WNT7B: variants seen among roughly 807,000 people sequenced by gnomAD.
WNT7B encodes Wnt family member 7B, also known as protein Wnt-7b.
A neutral mutation model predicts 38.2 loss-of-function variants in WNT7B; 19 were observed. The ratio of observed to expected loss-of-function variants is 0.50; its 90% CI spans 0.35 to 0.73. WNT7B has a LOEUF of 0.73. Ranked by LOEUF, WNT7B falls within the 30% of genes least tolerant of loss-of-function variation. The probability of loss-of-function intolerance (pLI) is 0.01; values close to 1 mark genes in which losing one functional copy is unlikely to be tolerated. For missense variants in WNT7B, 423 were observed against 507.9 expected (o/e 0.83, Z 1.61); for synonymous variants, 243 against 209.3 (o/e 1.16, Z -1.39).
chr22:45,941,751 A>T (rs115189118), intron 2 of WNT7B, among the ~76,000 whole-genome samples: 2,405 of 152,030 alleles, frequency 0.016, 63 homozygotes, highest in African/African-American at 0.054. Flanking sequence ...CCCGGGGCCA[A>T]CTCCCCATGG....
intron 2 of WNT7B, among the ~76,000 whole-genome samples, chr22:45,934,303 G>C (rs1931457522): frequency 2.0e-5 from 3 of 152,182 alleles, no homozygotes; most frequent in Admixed American, 1.3e-4. Context: ...AGGAGGAGAG[G>C]GGGGATGTGG....
At chr22:45,958,761 A>G (rs1932129998) in intron 1 of WNT7B, among the ~76,000 whole-genome samples, 1 of 152,052 alleles carries the variant, frequency 6.6e-6, no homozygotes, top group African/African-American at 2.4e-5. Flanking sequence ...GACATACCCC[A>G]TTCCTGACCC....
chr22:45,949,480 C>T (rs767693378), intron 2 of WNT7B, among the ~76,000 whole-genome samples: 1 of 152,208 alleles, frequency 6.6e-6, no homozygotes, highest in African/African-American at 2.4e-5. Flanking sequence ...CCAACTACCC[C>T]CTGCAGTAAG....
chr22:45,958,425 C>T (rs959413480), intron 1 of WNT7B, among the ~76,000 whole-genome samples: 22 of 152,302 alleles, frequency 1.4e-4, no homozygotes, highest in Middle Eastern at 6.8e-3. Context: ...GAGTTTCTCC[C>T]GCTTCAAAGC....
In WNT7B at chr22:45,965,842, G is replaced by A. The variant is rs1932299752; in HGVS notation, c.71+10842C>T. Reference sequence around the variant, plus strand: ...GTCAACACACAGTTCTAAGCAACTGGAGGCATTGGTTTCTGCCTGGAGAGG... The same window carrying A: ...GTCAACACACAGTTCTAAGCAACTGAAGGCATTGGTTTCTGCCTGGAGAGG... On this transcript the variant is annotated intron_variant, in intron 1 of 3. Coordinates refer to ENST00000339464, the MANE Select transcript of WNT7B (RefSeq NM_058238.3). This position sits in a 1 kb window ranked among gnomAD's most constrained non-coding sequence, Gnocchi z 6.5. Among the ~76,000 whole-genome samples the A allele has an allele frequency of 6.6e-6, 1 of 152,212 alleles. No individual in the cohort carries two copies. Among genetic ancestry groups the A allele is most frequent in the African/African-American group, 2.4e-5 (1 of 41,446 alleles).
At chr22:45,929,016 A>C (rs933810976) in intron 3 of WNT7B, among the ~76,000 whole-genome samples, 1 of 152,032 alleles carries the variant, frequency 6.6e-6, no homozygotes, top group Non-Finnish European at 1.5e-5. Context: ...TCTGCTGCTC[A>C]CTCTGAGCCT....
At chr22:45,947,581 C>A (rs562715111) in intron 2 of WNT7B, among the ~76,000 whole-genome samples, 1 of 152,136 alleles carries the variant, frequency 6.6e-6, no homozygotes, top group African/African-American at 2.4e-5. Context: ...TAGGGCAGAG[C>A]GGGGCGAGGG....
In WNT7B at chr22:45,976,059, AGGGCCCCGGGCGGGCGGGGCAC is replaced by A. The variant is rs1484418635; in HGVS notation, c.71+603_71+624del. On this transcript the variant is annotated intron_variant, in intron 1 of 3. Transcript: ENST00000339464. This position sits in a 1 kb window ranked among gnomAD's most constrained non-coding sequence, Gnocchi z 8.5. ...CGAGAGGGGGCCGGGCCCAGGGCCC[AGGGCCCCGGGCGGGCGGGGCAC>A]GGGCCCCGGACCGAGCCCGAGGCGG... 7.0e-6 allele frequency: 1 copy of A among 143,412 alleles called. No homozygotes were observed. The highest frequency in any genetic ancestry group is 1.5e-5 in the Non-Finnish European group (1 of 64,868). The allele number at this position is 143,412 out of a possible 1,614,324, so 8.9% of individuals were successfully genotyped here.
intron 2 of WNT7B, among the ~76,000 whole-genome samples, chr22:45,946,551 G>T (rs567567130): frequency 6.6e-6 from 1 of 152,316 alleles, no homozygotes; most frequent in East Asian, 1.9e-4. Flanking sequence ...CCAGTCAACA[G>T]AAGACACAAG....
intron 2 of WNT7B, among the ~76,000 whole-genome samples, chr22:45,932,424 C>CCT (rs1555907786): frequency 4.6e-5 from 7 of 152,108 alleles, no homozygotes; most frequent in African/African-American, 9.7e-5. Flanking sequence ...AGACCCCCCC[C>CCT]GCCAGAAGGG....
intron 2 of WNT7B, among the ~76,000 whole-genome samples, chr22:45,934,864 T>C (rs1825514744): frequency 6.6e-6 from 1 of 152,240 alleles, no homozygotes; most frequent in Admixed American, 6.5e-5. Context: ...CAGAGAGTCA[T>C]AGTTTTGGCA....
At position 45,975,660 on chromosome 22, in the gene WNT7B, C is replaced by T; in HGVS notation, c.71+1024G>A. 1 of 697,992 alleles carries T rather than the reference C, an allele frequency of 1.4e-6. No homozygotes were observed. The highest frequency in any genetic ancestry group is 2.7e-6 in the Non-Finnish European group (1 of 374,136). 43.2% of individuals were successfully genotyped at this position (697,992 alleles called of 1,614,324 possible). A position where few individuals can be genotyped will look rare whatever the true frequency, so the allele number is the denominator to read the frequency against. ...CTCCCACCAGTGGTACCTGCACCTG[C>T]CCCTCCCGCGGGTCTGTTCACCGCC... On this transcript the variant is annotated intron_variant, in intron 1 of 3. Coordinates refer to ENST00000339464, the MANE Select transcript of WNT7B (RefSeq NM_058238.3). The surrounding 1 kb of genome is among the most constrained non-coding windows in gnomAD (Gnocchi z 6.6).
At chr22:45,949,760 G>A (rs1362739373) in intron 2 of WNT7B, among the ~76,000 whole-genome samples, 160 bp downstream of exon 2, 1 of 152,252 alleles carries the variant, frequency 6.6e-6, no homozygotes, top group Non-Finnish European at 1.5e-5. Flanking sequence ...TGCTGCCTAG[G>A]GCCAGGCCAG....
chr22:45,956,026 G>GGGGTGAGGGGC (rs1370095327), intron 1 of WNT7B, among the ~76,000 whole-genome samples: 42 of 152,160 alleles, frequency 2.8e-4, no homozygotes, highest in Non-Finnish European at 1.8e-4. Flanking sequence ...GGCTGCGGTG[G>GGGGTGAGGGGC]GGGTGAGGGG....
rs374605830 is a variant in WNT7B at position 45,929,700 on chromosome 22, C to CCCAT, written c.570+1397_570+1398insATGG. Among the ~76,000 whole-genome samples the CCCAT allele has an allele frequency of 9.1e-4, 128 of 140,568 alleles. 1 individual carries two copies. Among genetic ancestry groups the CCCAT allele is most frequent in the South Asian group, 1.6e-3 (7 of 4,362 alleles). The allele number at this position is 140,568 out of a possible 152,430, so 92.2% of individuals were successfully genotyped here. A position where few individuals can be genotyped will look rare whatever the true frequency, so the allele number is the denominator to read the frequency against. On this transcript the variant is annotated intron_variant, in intron 3 of 3. Coordinates refer to ENST00000339464, the MANE Select transcript of WNT7B (RefSeq NM_058238.3). ...TCCCTCCATACTTCCATCCACCCAT[C>CCCAT]TTTCCATCCACCCGTGAATCCACTC... is the stretch of plus-strand genomic sequence containing the variant.
chr22:45,932,436 G>C (rs1931395363), intron 2 of WNT7B, among the ~76,000 whole-genome samples: 1 of 152,144 alleles, frequency 6.6e-6, no homozygotes, highest in Admixed American at 6.5e-5. Context: ...CCAGAAGGGA[G>C]CACTTGGTAC....
intron 2 of WNT7B, among the ~76,000 whole-genome samples, chr22:45,938,114 T>C (rs1332630867): frequency 2.0e-5 from 3 of 152,102 alleles, no homozygotes; most frequent in African/African-American, 4.8e-5. Flanking sequence ...GTGGTATAGA[T>C]ACACAATGGA....
chr22:45,956,593 G>C (rs752596136), intron 1 of WNT7B, among the ~76,000 whole-genome samples: 1 of 152,144 alleles, frequency 6.6e-6, no homozygotes, highest in Non-Finnish European at 1.5e-5. Context: ...GGAAAAACCC[G>C]TGCATGTGAT....
Position 45,931,208 on chromosome 22 carries a change from C to T in WNT7B, c.460G>A (p.Ala154Thr). 6.3e-7 allele frequency: 1 copy of T among 1,599,358 alleles called. No homozygotes were observed. Among genetic ancestry groups the T allele is most frequent in the Non-Finnish European group, 8.5e-7 (1 of 1,179,816 alleles). The change falls in exon 3 of 4, where the codon GCC (alanine) becomes ACC (threonine). Residue 154 changes from alanine to threonine, a missense_variant. Around this residue, in one of 3 missense-constraint regions of WNT7B, gnomAD observed 132 missense variants for 113.4 expected, o/e 1.16. Coordinates refer to ENST00000339464, the MANE Select transcript of WNT7B (RefSeq NM_058238.3). ...AAGTCGATGCCGTAACGCACGTCGGCCGAGCAGCCGCCCCACTTCCAGCCC... is the reference window on the plus strand; with the variant it reads ...AAGTCGATGCCGTAACGCACGTCGGTCGAGCAGCCGCCCCACTTCCAGCCC... ...AEGWKWGGCS[A>T]DVRYGIDFSR...
Sources: gnomAD v4.1 joint callset for allele counts (sites outside exome capture counted in the v4.1 genomes callset) on GRCh38, gnomAD v4.1.1 for gene constraint, gnomAD v4.1.1 regional missense constraint, Gnocchi (gnomAD v3.1) non-coding constraint, MANE v1.5 for transcripts, NCBI Gene and HGNC (gene_info 2026-07-23, HGNC 2026-07-21) for gene names.